Variants in RANBP2 observed in about 807,000 individuals in gnomAD.
The protein encoded by RANBP2 is E3 SUMO-protein ligase RanBP2.
In RANBP2, 57 loss-of-function variants were observed where a neutral mutation model predicts 303.6. The ratio of observed to expected loss-of-function variants is 0.19; its 90% confidence interval spans 0.15 to 0.23. The LOEUF is 0.23. Ranked by LOEUF, RANBP2 falls within the 10% of genes least tolerant of loss-of-function variation. The pLI is 1.00. For synonymous variants in RANBP2, 1,167 were observed against 1,301.5 expected, an observed-to-expected ratio of 0.90 and a Z score of 2.23; for missense variants, 3,138 against 3,780.8, an observed-to-expected ratio of 0.83 and a Z score of 4.46.
chr2:109,191,360 A>G, the RANBP2 span, among the ~76,000 whole-genome samples: 1 of 152,232 alleles, frequency 6.6e-6, no homozygotes, highest in African/African-American at 2.4e-5. Flanking sequence ...GCCTTGCAGT[A>G]CCAGCGGAGG....
chr2:109,468,364 C>T, the RANBP2 span, among the ~76,000 whole-genome samples: 10 of 152,118 alleles, frequency 6.6e-5, no homozygotes, highest in African/African-American at 2.2e-4. Context: ...ATGACAGCTG[C>T]GACATCAGTA....
the RANBP2 span, chr2:108,940,075 A>G: frequency 6.6e-6 from 1 of 152,284 alleles, no homozygotes; most frequent in African/African-American, 2.4e-5. Context: ...AATTTGACTG[A>G]GACGATAGCC....
chr2:109,731,406 T>G, the RANBP2 span, among the ~76,000 whole-genome samples: 1 of 152,096 alleles, frequency 6.6e-6, no homozygotes, highest in Admixed American at 6.5e-5. Context: ...ATTTTTTTTT[T>G]TCTTTTGAGA....
chr2:109,274,147 ATCT>A, the RANBP2 span, among the ~76,000 whole-genome samples: 1 of 152,230 alleles, frequency 6.6e-6, no homozygotes, highest in Admixed American at 6.5e-5. Context: ...AGTTCTGGAA[ATCT>A]TCTAGGATCT....
chr2:109,500,796 T>G, the RANBP2 span, among the ~76,000 whole-genome samples: 1 of 151,618 alleles, frequency 6.6e-6, no homozygotes, highest in African/African-American at 2.4e-5. Flanking sequence ...AAAAAAAAAT[T>G]AGAAATTGGC....
downstream of RANBP2, among the ~76,000 whole-genome samples, chr2:108,790,400 G>C (rs757062397): frequency 6.6e-5 from 10 of 152,164 alleles, no homozygotes; most frequent in Admixed American, 3.3e-4. Context: ...TGGACCCCTA[G>C]TTGTGATCTG....
chr2:109,277,513 C>T, the RANBP2 span, among the ~76,000 whole-genome samples: 5 of 152,176 alleles, frequency 3.3e-5, no homozygotes, highest in Non-Finnish European at 7.3e-5. Context: ...CCGAGCAGTC[C>T]GTGGAATACC....
the RANBP2 span, among the ~76,000 whole-genome samples, chr2:108,820,710 A>C: frequency 1.8e-5 from 1 of 55,970 alleles, no homozygotes; most frequent in Non-Finnish European, 3.2e-5. Context: ...AAAAAAAAAA[A>C]AAAAACAAAC....
At chr2:109,467,196 G>T in the RANBP2 span, among the ~76,000 whole-genome samples, 1 of 152,254 alleles carries the variant, frequency 6.6e-6, no homozygotes, top group Non-Finnish European at 1.5e-5. Context: ...GGGATCCGTA[G>T]CAGCTTTATT....
At chr2:108,923,561 G>A in the RANBP2 span, 393 of 986,680 alleles carry the variant, frequency 4.0e-4, 8 homozygotes, top group Admixed American at 6.8e-3. Context: ...CAATCAAGTC[G>A]GGCATGAGGC....
the RANBP2 span, chr2:109,565,742 GTCATCCT>G: frequency 6.3e-7 from 1 of 1,584,010 alleles, no homozygotes; most frequent in Non-Finnish European, 8.7e-7. Flanking sequence ...CATATTTCTA[GTCATCCT>G]TTGTCTCATT....
chr2:108,796,158 C>G, the RANBP2 span, among the ~76,000 whole-genome samples: 3 of 152,150 alleles, frequency 2.0e-5, no homozygotes, highest in African/African-American at 7.2e-5. Context: ...ATGCCATTCT[C>G]CTGCCTCAGC....
the RANBP2 span, among the ~76,000 whole-genome samples, chr2:109,395,672 C>T: frequency 6.6e-6 from 1 of 152,222 alleles, no homozygotes; most frequent in Admixed American, 6.5e-5. Flanking sequence ...AGTGCAGTCA[C>T]TTGTGAGCAG....
chr2:108,764,000 A>T lies in RANBP2; in HGVS notation c.3461A>T (p.His1154Leu), dbSNP rs77443930. ...ACTTTAGAGACAGCAAACAAGAATC[A>T]TGAGACAGATGGAGGAAGTGCCCAT... is the stretch of plus-strand genomic sequence containing the variant. ...TPTLETANKN[H>L]ETDGGSAHGD... The change falls in exon 20 of 29, where the codon CAT becomes CTT. Residue 1154 changes from histidine to leucine, a missense_variant. By Grantham distance (99) the His-to-Leu change is moderately conservative. This residue lies in a region of RANBP2 where 403 missense variants were observed against 376.7 expected (regional missense o/e 1.07). Transcript: ENST00000283195. The T allele has an allele frequency of 4.3e-4, 700 of 1,613,944 alleles. 7 individuals carry two copies. The African/African-American group carries it at 8.2e-3, about 19-fold the overall frequency.
At chr2:109,399,595 C>T in the RANBP2 span, among the ~76,000 whole-genome samples, 2 of 152,084 alleles carry the variant, frequency 1.3e-5, no homozygotes, top group African/African-American at 4.8e-5. Flanking sequence ...GGGCAAGACC[C>T]TGTCTCTACA....
At chr2:109,226,434 T>C in the RANBP2 span, among the ~76,000 whole-genome samples, 1 of 152,212 alleles carries the variant, frequency 6.6e-6, no homozygotes, top group African/African-American at 2.4e-5. Flanking sequence ...ATGACACACG[T>C]GGCCCATGTG....
At chr2:109,262,358 G>A in the RANBP2 span, among the ~76,000 whole-genome samples, 1 of 152,108 alleles carries the variant, frequency 6.6e-6, no homozygotes, top group Admixed American at 6.5e-5. Flanking sequence ...ACTGTACCTG[G>A]GGGCAGCCAT....
chr2:108,748,309 G>A (rs1274656229), intron 8 of RANBP2, among the ~76,000 whole-genome samples: 5 of 150,932 alleles, frequency 3.3e-5, no homozygotes, highest in Middle Eastern at 3.2e-3. Flanking sequence ...CTGGGTTCAT[G>A]CCATTCTCCT....
chr2:109,007,005 G>C, the RANBP2 span, among the ~76,000 whole-genome samples: 1 of 152,206 alleles, frequency 6.6e-6, no homozygotes, highest in Non-Finnish European at 1.5e-5. Context: ...GACAATTGTA[G>C]GGGAACGGGC....
Sources: allele counts gnomAD v4.1 joint callset (sites outside exome capture counted in the v4.1 genomes callset), GRCh38; gene constraint gnomAD v4.1.1; regional missense constraint gnomAD v4.1.1; transcripts MANE v1.5; gene names NCBI Gene and HGNC (gene_info 2026-07-23, HGNC 2026-07-21).